ABCC4: variants seen among roughly 807,000 people sequenced by gnomAD.
ABCC4 encodes ATP binding cassette subfamily C member 4 (PEL blood group).
A neutral mutation model predicts 168.5 loss-of-function variants in ABCC4; 102 were observed. The ratio of observed to expected loss-of-function variants is 0.61; its 90% CI spans 0.52 to 0.71. The LOEUF (loss-of-function observed/expected upper bound fraction) is 0.71. ABCC4 is among the 30% of genes least tolerant of loss of function. The probability of loss-of-function intolerance (pLI) is 0.00; values close to 1 mark genes in which losing one functional copy is unlikely to be tolerated. For missense variants in ABCC4, 1,402 were observed against 1,605.8 expected (o/e 0.87, Z 2.17); for synonymous variants, 617 against 590.7 (o/e 1.04, Z -0.65).
intron 11 of ABCC4, among the ~76,000 whole-genome samples, chr13:95,182,000 G>A (rs2037912170): frequency 6.6e-6 from 1 of 151,966 alleles, no homozygotes; most frequent in East Asian, 1.9e-4. Context: ...ATGTTGCCTA[G>A]GCTGGTCTCA....
chr13:95,160,428 G>A (rs1252941447), intron 19 of ABCC4, among the ~76,000 whole-genome samples: 1 of 152,188 alleles, frequency 6.6e-6, no homozygotes, highest in African/African-American at 2.4e-5. Context: ...AGGTCAGGAA[G>A]GCTAGCCTCA....
chr13:95,025,689 G>C (rs114247081), intron 30 of ABCC4, among the ~76,000 whole-genome samples: 1 of 151,734 alleles, frequency 6.6e-6, no homozygotes, highest in Non-Finnish European at 1.5e-5. Context: ...ATAATTTTAA[G>C]AGTAGTACAG....
chr13:95,274,465 C>CTG (rs1391292737), intron 1 of ABCC4, among the ~76,000 whole-genome samples: 2 of 152,152 alleles, frequency 1.3e-5, no homozygotes, highest in Non-Finnish European at 2.9e-5. Context: ...ATGCCAGAGC[C>CTG]TGATAACAAG....
intron 8 of ABCC4, among the ~76,000 whole-genome samples, chr13:95,205,168 A>C (rs907610444): frequency 6.6e-6 from 1 of 152,202 alleles, no homozygotes; most frequent in Non-Finnish European, 1.5e-5. Flanking sequence ...GGTCTGTTTT[A>C]TAGGTAATAT....
Position 95,115,920 on chromosome 13 carries a change from A to C in ABCC4, c.2535+2T>G. On this transcript the variant is annotated splice_donor_variant, in intron 20 of 30. Coordinates refer to ENST00000645237, the MANE Select transcript of ABCC4 (RefSeq NM_005845.5). LOFTEE classifies it high-confidence loss of function. ...AGATCCTGACATTACTCTCAACGTT[A>C]CCTGGATGAAATCTAAAAACGTCAG... 6.2e-7 allele frequency: 1 copy of C among 1,610,250 alleles called. No homozygotes were observed. Among genetic ancestry groups the C allele is most frequent in the Non-Finnish European group, 8.5e-7 (1 of 1,177,990 alleles).
chr13:95,057,796 C>T (rs568142062), intron 26 of ABCC4, among the ~76,000 whole-genome samples: 1 of 152,226 alleles, frequency 6.6e-6, no homozygotes, highest in Non-Finnish European at 1.5e-5. Context: ...CATGGCCATT[C>T]GAAGAAACAG....
chr13:95,301,229 G>A lies in ABCC4; in HGVS notation c.74+12C>T. On this transcript the variant is annotated intron_variant, in intron 1 of 30. Coordinates refer to ENST00000645237, the MANE Select transcript of ABCC4 (RefSeq NM_005845.5). ...GGCTGCAGGGTGACCTGTTTCGGGC[G>A]GGGACACTCACCAGAAGAACACGCG... 1.3e-6 allele frequency: 2 copies of A among 1,580,706 alleles called. No individual in the cohort carries two copies. Among genetic ancestry groups the A allele is most frequent in the Admixed American group, 1.8e-5 (1 of 56,684 alleles).
At chr13:95,025,330 A>C (rs186453193) in intron 30 of ABCC4, among the ~76,000 whole-genome samples, 3 of 15,910 alleles carry the variant, frequency 1.9e-4, no homozygotes, top group African/African-American at 3.7e-4. Flanking sequence ...ACCCACACCC[A>C]CACACCCATA....
intron 30 of ABCC4, among the ~76,000 whole-genome samples, chr13:95,027,899 A>C (rs2031626983): frequency 1.3e-5 from 2 of 152,220 alleles, no homozygotes; most frequent in African/African-American, 4.8e-5. Flanking sequence ...GGCTAAGATT[A>C]AACCTCAGAG....
At chr13:95,296,872 T>C (rs1422167427) in intron 1 of ABCC4, among the ~76,000 whole-genome samples, 1 of 152,092 alleles carries the variant, frequency 6.6e-6, no homozygotes, top group East Asian at 1.9e-4. Flanking sequence ...CAATAAATGA[T>C]AATGGGGAAA....
intron 20 of ABCC4, among the ~76,000 whole-genome samples, chr13:95,115,051 A>G (rs1489119734): frequency 6.6e-6 from 1 of 152,198 alleles, no homozygotes; most frequent in Non-Finnish European, 1.5e-5. Flanking sequence ...AGCTTTTAAT[A>G]GATGCATTTC....
chr13:95,177,321 T>C (rs2478461), intron 13 of ABCC4, among the ~76,000 whole-genome samples: 131,816 of 152,086 alleles, frequency 0.87, 57,337 homozygotes, highest in African/African-American at 0.91. Context: ...AAGACAAGGC[T>C]CAGGTTGCCA....
intron 1 of ABCC4, among the ~76,000 whole-genome samples, chr13:95,276,347 C>T (rs1479682785): frequency 6.9e-6 from 1 of 144,728 alleles, no homozygotes; most frequent in Non-Finnish European, 1.5e-5. Flanking sequence ...CCCAGGAAGT[C>T]AAGGCTGCAG....
At chr13:95,120,232 T>C (rs929580528) in intron 19 of ABCC4, among the ~76,000 whole-genome samples, 11 of 152,330 alleles carry the variant, frequency 7.2e-5, no homozygotes, top group Middle Eastern at 3.4e-3. Flanking sequence ...TCCACACTTA[T>C]AGCTTCACTG....
chr13:95,216,580 G>C (rs920500647), intron 4 of ABCC4, among the ~76,000 whole-genome samples: 3 of 129,610 alleles, frequency 2.3e-5, no homozygotes, highest in African/African-American at 9.1e-5. Flanking sequence ...TTTTTTAAAA[G>C]GAGCAAAGAA....
intron 9 of ABCC4, among the ~76,000 whole-genome samples, chr13:95,189,281 C>G (rs2038178424): frequency 6.6e-6 from 1 of 151,140 alleles, no homozygotes; most frequent in Non-Finnish European, 1.5e-5. Flanking sequence ...CTACAGGCGC[C>G]TGCCACTGCG....
rs569994045 is a variant in ABCC4 at position 95,172,836 on chromosome 13, T to C, written c.1728-2208A>G. 3.9e-5 allele frequency among the ~76,000 whole-genome samples: 6 copies of C among 152,054 alleles called. No individual in the cohort carries two copies. The East Asian group carries it at 5.9e-4, about 15-fold the overall frequency. On this transcript the variant is annotated intron_variant, in intron 13 of 30. Transcript: ENST00000645237. ...AGTCCCAGCTACTCGGGAGGATCAC[T>C]TGAGCCCAGGAGGTAGAAGTTGCAG...
intron 26 of ABCC4, among the ~76,000 whole-genome samples, chr13:95,059,047 G>C (rs778033368): frequency 6.6e-6 from 1 of 152,240 alleles, no homozygotes; most frequent in Non-Finnish European, 1.5e-5. Context: ...ATCGTGTTGT[G>C]AGACTTTTGT....
chr13:95,212,937 G>C (rs1365373906), intron 4 of ABCC4, among the ~76,000 whole-genome samples: 1 of 152,034 alleles, frequency 6.6e-6, no homozygotes, highest in Non-Finnish European at 1.5e-5. Context: ...AGACCAGCCT[G>C]GTCAACACGG....
Sources: allele counts gnomAD v4.1 joint callset (sites outside exome capture counted in the v4.1 genomes callset), GRCh38; gene constraint gnomAD v4.1.1; transcripts MANE v1.5; gene names NCBI Gene and HGNC (gene_info 2026-07-23, HGNC 2026-07-21).